The following NKAIN2 variants were observed in gnomAD, a reference collection of about 807,000 sequenced individuals.
NKAIN2 encodes sodium/potassium-transporting ATPase subunit beta-1-interacting protein 2.
NKAIN2 carries 14 observed loss-of-function variants against 32.6 expected under a neutral mutation model. That is an observed-to-expected ratio of 0.43 (90% CI 0.28 to 0.67). The LOEUF is 0.67. Ranked by LOEUF, NKAIN2 falls within the 30% of genes least tolerant of loss-of-function variation. The pLI is 0.17. For synonymous variants in NKAIN2, 80 were observed against 87.2 expected (o/e 0.92, Z 0.46); for missense variants, 198 against 258.3 (o/e 0.77, Z 1.60).
chr6:124,180,059 G>T (rs1220363103), intron 1 of NKAIN2, among the ~76,000 whole-genome samples: 1 of 152,018 alleles, frequency 6.6e-6, no homozygotes, highest in Non-Finnish European at 1.5e-5. Flanking sequence ...CCTTTCATGG[G>T]TAAATAGATT....
At chr6:124,016,147 A>C (rs1780564684) in intron 1 of NKAIN2, among the ~76,000 whole-genome samples, 1 of 152,176 alleles carries the variant, frequency 6.6e-6, no homozygotes, top group Non-Finnish European at 1.5e-5. Context: ...TGCCAATACC[A>C]GACCTCTCTT....
At chr6:124,774,895 T>C (rs868856879) in intron 4 of NKAIN2, among the ~76,000 whole-genome samples, 3 of 151,606 alleles carry the variant, frequency 2.0e-5, no homozygotes, top group Middle Eastern at 3.4e-3. Flanking sequence ...CAACATCTTG[T>C]ATCTTTGACA....
chr6:123,833,348 G>A (rs1774465347), intron 1 of NKAIN2, among the ~76,000 whole-genome samples: 1 of 152,026 alleles, frequency 6.6e-6, no homozygotes, highest in Admixed American at 6.6e-5. Context: ...TAGCTTTATG[G>A]GCAGTACTGA....
At chr6:124,666,467 AGTT>A (rs1469481984) in intron 4 of NKAIN2, among the ~76,000 whole-genome samples, 2 of 152,180 alleles carry the variant, frequency 1.3e-5, no homozygotes, top group South Asian at 2.1e-4. Context: ...GTAAGAAGTA[AGTT>A]GTTGTTACTT....
chr6:124,566,598 A>G (rs1182688168), intron 3 of NKAIN2, among the ~76,000 whole-genome samples: 1 of 152,200 alleles, frequency 6.6e-6, no homozygotes, highest in Admixed American at 6.5e-5. Flanking sequence ...TTTTCTCTGC[A>G]GGATATTAAT....
At chr6:124,802,258 T>G (rs1221520945) in intron 5 of NKAIN2, among the ~76,000 whole-genome samples, 1 of 152,224 alleles carries the variant, frequency 6.6e-6, no homozygotes, top group Non-Finnish European at 1.5e-5. Flanking sequence ...CTCCTGCATT[T>G]AAATGGGCTG....
At chr6:124,674,828 A>G (rs1361587078) in intron 4 of NKAIN2, among the ~76,000 whole-genome samples, 2 of 151,778 alleles carry the variant, frequency 1.3e-5, no homozygotes, top group African/African-American at 4.8e-5. Flanking sequence ...TTCTTTTCTG[A>G]TTTGGATACC....
chr6:124,545,601 T>C (rs1780066837), intron 3 of NKAIN2, among the ~76,000 whole-genome samples: 1 of 151,854 alleles, frequency 6.6e-6, no homozygotes, highest in South Asian at 2.1e-4. Context: ...TTTTCCAAGT[T>C]TAAAATAAAT....
chr6:124,415,798 A>G (rs111831504), intron 3 of NKAIN2, among the ~76,000 whole-genome samples: 1 of 151,894 alleles, frequency 6.6e-6, no homozygotes, highest in African/African-American at 2.4e-5. Context: ...AATGGGGTCA[A>G]ACCAACTATG....
intron 3 of NKAIN2, among the ~76,000 whole-genome samples, chr6:124,438,628 C>G (rs961045424): frequency 6.6e-6 from 1 of 152,156 alleles, no homozygotes; most frequent in Non-Finnish European, 1.5e-5. Context: ...GCCATTTCCT[C>G]ATATGTTCTC....
intron 1 of NKAIN2, among the ~76,000 whole-genome samples, chr6:123,939,595 G>C (rs572939428): frequency 1.3e-5 from 2 of 151,900 alleles, no homozygotes; most frequent in African/African-American, 4.8e-5. Flanking sequence ...AATGCACTCT[G>C]ATATTTTCTA....
intron 1 of NKAIN2, among the ~76,000 whole-genome samples, chr6:124,003,438 C>T (rs1779954588): frequency 6.6e-6 from 1 of 152,118 alleles, no homozygotes; most frequent in Non-Finnish European, 1.5e-5. Context: ...CATCTTTTAC[C>T]ATTTCATGTC....
intron 3 of NKAIN2, among the ~76,000 whole-genome samples, chr6:124,450,974 T>C (rs771731498): frequency 2.6e-5 from 4 of 152,076 alleles, no homozygotes; most frequent in Non-Finnish European, 4.4e-5. Context: ...TAAGGACTAT[T>C]TAACCCAGCT....
chr6:124,376,847 T>C (rs542134112), intron 3 of NKAIN2, among the ~76,000 whole-genome samples: 1 of 152,298 alleles, frequency 6.6e-6, no homozygotes, highest in African/African-American at 2.4e-5. Flanking sequence ...TGCTTTTATC[T>C]AGATGTATCC....
chr6:124,425,138 G>A (rs1774926624), intron 3 of NKAIN2, among the ~76,000 whole-genome samples: 1 of 152,030 alleles, frequency 6.6e-6, no homozygotes, highest in Non-Finnish European at 1.5e-5. Flanking sequence ...ATATTTCAAG[G>A]GAGAAGACAG....
intron 1 of NKAIN2, among the ~76,000 whole-genome samples, chr6:123,924,312 G>A (rs1046863735): frequency 1.3e-5 from 2 of 152,182 alleles, no homozygotes; most frequent in Non-Finnish European, 2.9e-5. Context: ...GCTGGTATAA[G>A]CAGCCATTTT....
At chr6:124,261,596 G>GGTACATGGT (rs965848995) in intron 1 of NKAIN2, among the ~76,000 whole-genome samples, 1 of 152,106 alleles carries the variant, frequency 6.6e-6, no homozygotes, top group African/African-American at 2.4e-5. Context: ...CATGGTACAT[G>GGTACATGGT]ACGCCCGTAA....
At chr6:124,650,275 A>G (rs1784322173) in intron 3 of NKAIN2, among the ~76,000 whole-genome samples, 1 of 152,206 alleles carries the variant, frequency 6.6e-6, no homozygotes, top group Admixed American at 6.5e-5. Context: ...ATACTCCTGT[A>G]GCTAGTAAGC....
At chr6:124,275,747 T>A (rs746987884) in intron 1 of NKAIN2, among the ~76,000 whole-genome samples, 1 of 152,122 alleles carries the variant, frequency 6.6e-6, no homozygotes, top group Non-Finnish European at 1.5e-5. Flanking sequence ...CATCTCTAAC[T>A]GAAATAGTCT....
Sources: gnomAD v4.1 joint callset for allele counts (sites outside exome capture counted in the v4.1 genomes callset) on GRCh38, gnomAD v4.1.1 for gene constraint, MANE v1.5 for transcripts, NCBI Gene and HGNC (gene_info 2026-07-23, HGNC 2026-07-21) for gene names.